The following NF1 variants were observed in gnomAD, a reference collection of about 807,000 sequenced individuals.
The protein encoded by NF1 is neurofibromin 1.
A neutral mutation model predicts 325.7 loss-of-function variants in NF1; 122 were observed. The observed-to-expected ratio is 0.37, with a 90% CI of 0.32 to 0.44. The LOEUF is 0.44. Among genes scored for constraint, NF1 ranks in the 20% least tolerant of loss-of-function variants. The probability of loss-of-function intolerance (pLI) is 1.00; values close to 1 mark genes in which losing one functional copy is unlikely to be tolerated. For missense variants in NF1, 2,140 were observed against 3,415.4 expected (o/e 0.63, Z 9.31); for synonymous variants, 1,091 against 1,186.0 (o/e 0.92, Z 1.65).
At chr17:31,180,775 G>C (rs2953001) in intron 5 of NF1, among the ~76,000 whole-genome samples, 81,701 of 152,040 alleles carry the variant, frequency 0.54, 25,828 homozygotes, top group Middle Eastern at 0.76. Context: ...GAAATAAAGG[G>C]TATTCGGTTA....
chr17:31,314,210 A>G, intron 36 of NF1: 2 of 382,796 alleles, frequency 5.2e-6, no homozygotes, highest in Non-Finnish European at 9.2e-6. Context: ...TTATTTTGAA[A>G]TACATTTTGG....
At chr17:31,242,225 G>A (rs1166980319) in intron 29 of NF1, among the ~76,000 whole-genome samples, 1 of 147,434 alleles carries the variant, frequency 6.8e-6, no homozygotes, top group Non-Finnish European at 1.5e-5. Context: ...AATCTTCTTT[G>A]GTTTAAATCT....
chr17:31,144,763 C>G (rs894828658), intron 1 of NF1, among the ~76,000 whole-genome samples: 2 of 152,176 alleles, frequency 1.3e-5, no homozygotes, highest in African/African-American at 4.8e-5. Context: ...CAATTAAGGA[C>G]TATGGCCTGG....
chr17:31,269,661 C>T (rs938739621), intron 36 of NF1, among the ~76,000 whole-genome samples: 2 of 152,194 alleles, frequency 1.3e-5, no homozygotes, highest in South Asian at 2.1e-4. Context: ...TGGCTCTTAA[C>T]TCTACTTTCT....
At chr17:31,201,239 G>A in intron 10 of NF1, 80 bp downstream of exon 10, 1 of 1,568,752 alleles carries the variant, frequency 6.4e-7, no homozygotes, top group Non-Finnish European at 8.8e-7. Flanking sequence ...GAGATTAATA[G>A]GTTCACTTTT....
intron 5 of NF1, among the ~76,000 whole-genome samples, chr17:31,170,930 C>T (rs1295703074): frequency 1.3e-5 from 2 of 152,050 alleles, no homozygotes; most frequent in Non-Finnish European, 2.9e-5. Flanking sequence ...TTATTTGTAA[C>T]TTAAGGAATT....
At chr17:31,346,818 CT>C (rs59155043) in intron 48 of NF1, among the ~76,000 whole-genome samples, 5,844 of 108,146 alleles carry the variant, frequency 0.054, 232 homozygotes, top group African/African-American at 0.12. Flanking sequence ...AAGAATTTGG[CT>C]TTTTTTTTTT....
intron 57 of NF1, chr17:31,362,291 C>G (rs2070418606): frequency 4.1e-6 from 4 of 985,274 alleles, no homozygotes; most frequent in Non-Finnish European, 4.8e-6. Context: ...TTTACAGATA[C>G]TGCAGCCACT....
chr17:31,333,053 C>T (rs982840533), intron 39 of NF1, among the ~76,000 whole-genome samples: 1 of 152,094 alleles, frequency 6.6e-6, no homozygotes, highest in African/African-American at 2.4e-5. Context: ...CATAGTGAGG[C>T]CCCCATCTCA....
intron 1 of NF1, among the ~76,000 whole-genome samples, chr17:31,150,829 C>T (rs935975129): frequency 1.3e-5 from 2 of 152,000 alleles, no homozygotes; most frequent in African/African-American, 4.8e-5. Flanking sequence ...GTCAGGAGTT[C>T]AAGACCAGCC....
At chr17:31,373,484 T>TG (rs1195988265) in intron 57 of NF1, among the ~76,000 whole-genome samples, 1 of 152,248 alleles carries the variant, frequency 6.6e-6, no homozygotes, top group Non-Finnish European at 1.5e-5. Flanking sequence ...TGTGCTATTT[T>TG]CTGCTATGAT....
chr17:31,250,116 G>T, intron 30 of NF1: 1 of 425,856 alleles, frequency 2.3e-6, no homozygotes, highest in South Asian at 1.9e-5. Flanking sequence ...CTGTAAAAAA[G>T]CTTTTCACGG....
chr17:31,100,127 C>G (rs1912180801), intron 1 of NF1, among the ~76,000 whole-genome samples: 1 of 151,526 alleles, frequency 6.6e-6, no homozygotes, highest in South Asian at 2.1e-4. Context: ...ACATAAAAGC[C>G]AAAAAACCCA....
chr17:31,217,804 A>C (rs2066846258), intron 13 of NF1, among the ~76,000 whole-genome samples: 1 of 151,648 alleles, frequency 6.6e-6, no homozygotes, highest in Non-Finnish European at 1.5e-5. Flanking sequence ...ATCTCTAATA[A>C]TAATGCAAAA....
rs1555534930 is a variant in NF1 at position 31,337,884 on chromosome 17, T to C, written c.6704+4T>C. 2 of 1,613,220 alleles carry C rather than the reference T, an allele frequency of 1.2e-6. No individual in the cohort carries two copies. Among genetic ancestry groups the C allele is most frequent in the South Asian group, 1.1e-5 (1 of 91,038 alleles). ...AGTGGACAGAACTAGCTCAAAGGTA[T>C]GTCCTAAATTAAATATAAGTTGTAA... On this transcript the variant is annotated splice_donor_region_variant and intron_variant, in intron 44 of 57. Coordinates refer to ENST00000358273, the MANE Select transcript of NF1 (RefSeq NM_001042492.3).
chr17:31,265,365 C>G (rs2151470457), intron 36 of NF1, 26 bp downstream of exon 36: 1 of 1,542,272 alleles, frequency 6.5e-7, no homozygotes, highest in Non-Finnish European at 9.0e-7. Flanking sequence ...TTTTGGGTCT[C>G]TTAACAGAAT....
intron 8 of NF1, among the ~76,000 whole-genome samples, chr17:31,198,136 G>C (rs2066466979): frequency 6.6e-6 from 1 of 152,096 alleles, no homozygotes; most frequent in South Asian, 2.1e-4. Flanking sequence ...TGTGCTCCTG[G>C]AGTAAGTTTC....
chr17:31,203,870 A>C (rs1378152928), intron 11 of NF1, among the ~76,000 whole-genome samples: 1 of 152,098 alleles, frequency 6.6e-6, no homozygotes, highest in Non-Finnish European at 1.5e-5. Context: ...TTGGAGTTCT[A>C]CTTTTGTGAA....
Position 31,336,204 on chromosome 17 carries a change from T to C in NF1, c.6007-129T>C. 1 of 875,642 alleles carries C rather than the reference T, an allele frequency of 1.1e-6. No individual in the cohort carries two copies. The highest frequency in any genetic ancestry group is 1.8e-6 in the Non-Finnish European group (1 of 556,000). The allele number at this position is 875,642 out of a possible 1,614,324, so 54.2% of individuals were successfully genotyped here. A position where few individuals can be genotyped will look rare whatever the true frequency, so the allele number is the denominator to read the frequency against. On this transcript the variant is annotated intron_variant, in intron 40 of 57. Transcript: ENST00000358273. The surrounding 1 kb of genome is among the most constrained non-coding windows in gnomAD (Gnocchi z 5.5). ...TTTACTGACAGGCCTGTAAATAAAATCTAGTATTTTTGAGGCCTCAGGTAA... is the reference window on the plus strand; with the variant it reads ...TTTACTGACAGGCCTGTAAATAAAACCTAGTATTTTTGAGGCCTCAGGTAA...
Sources: gnomAD v4.1 joint callset for allele counts (sites outside exome capture counted in the v4.1 genomes callset) on GRCh38, gnomAD v4.1.1 for gene constraint, Gnocchi (gnomAD v3.1) non-coding constraint, MANE v1.5 for transcripts, NCBI Gene and HGNC (gene_info 2026-07-23, HGNC 2026-07-21) for gene names.